The following EFHB variants were observed in gnomAD, a reference collection of about 807,000 sequenced individuals.
The protein encoded by EFHB is EF-hand domain family member B, also known as EF-hand domain-containing family member B.
In EFHB, 91 loss-of-function variants were observed where a neutral mutation model predicts 87.2. The observed-to-expected ratio is 1.04, with a 90% confidence interval of 0.88 to 1.24. The LOEUF is 1.24. EFHB is among the 50% of genes most tolerant of loss of function. EFHB has a pLI of 0.00. For missense variants in EFHB, 1,084 were observed against 998.8 expected, an observed-to-expected ratio of 1.09 and a Z score of -1.15; for synonymous variants, 325 against 333.6, an observed-to-expected ratio of 0.97 and a Z score of 0.28.
At chr3:19,909,816 G>A (rs2931392) in intron 5 of EFHB, among the ~76,000 whole-genome samples, 21,337 of 152,022 alleles carry the variant, frequency 0.14, 1,592 homozygotes, top group South Asian at 0.24. Flanking sequence ...TGCAGATGAC[G>A]TTTCTAGACA....
At position 19,899,496 on chromosome 3, in the gene EFHB, C is replaced by T. The variant is rs760989439; in HGVS notation, c.1438G>A (p.Val480Ile). ...TTGAAATCATCTGCTCTTTTGGATA[C>T]AAACTTAGCTCCTCTTTTCCTGCAA... ...ELQMKRGAKF[V>I]SKRADDFKEK... The change falls in exon 7 of 13, where the codon GTA becomes ATA. Residue 480 changes from valine (V) to isoleucine (I), a missense_variant. Coordinates refer to ENST00000295824, the MANE Select transcript of EFHB (RefSeq NM_144715.4). 1.2e-6 allele frequency: 2 copies of T among 1,603,406 alleles called. No homozygotes were observed. Among genetic ancestry groups the T allele is most frequent in the African/African-American group, 1.3e-5 (1 of 74,514 alleles).
At chr3:19,899,337 G>C in intron 7 of EFHB, 95 bp downstream of exon 7, 1 of 759,456 alleles carries the variant, frequency 1.3e-6, no homozygotes, top group Non-Finnish European at 2.0e-6. Context: ...TTATTTAATA[G>C]ATAGAATCTA....
At chr3:19,898,149 T>A (rs1694547676) in intron 8 of EFHB, among the ~76,000 whole-genome samples, 1 of 152,232 alleles carries the variant, frequency 6.6e-6, no homozygotes, top group Non-Finnish European at 1.5e-5. Context: ...TTAGATTGGC[T>A]AGAAATAAAG....
chr3:19,932,190 T>TA (rs1198273489), intron 1 of EFHB, among the ~76,000 whole-genome samples: 2 of 152,226 alleles, frequency 1.3e-5, no homozygotes, highest in Non-Finnish European at 2.9e-5. Flanking sequence ...CTATTCTTTC[T>TA]AACTCTACAT....
chr3:19,930,679 T>C (rs1695797228), intron 1 of EFHB, among the ~76,000 whole-genome samples: 2 of 152,232 alleles, frequency 1.3e-5, no homozygotes, highest in South Asian at 2.1e-4. Flanking sequence ...TGATCATAGC[T>C]CACTGGAACC....
intron 1 of EFHB, among the ~76,000 whole-genome samples, chr3:19,930,177 G>A (rs1695781752): frequency 6.6e-6 from 1 of 152,114 alleles, no homozygotes; most frequent in Non-Finnish European, 1.5e-5. Flanking sequence ...TAAGATTCTA[G>A]GCATTTTCAT....
At chr3:19,905,838 A>T (rs1216521262) in intron 5 of EFHB, 89 bp from the exon 6 acceptor site, 3 of 1,443,962 alleles carry the variant, frequency 2.1e-6, no homozygotes, top group Non-Finnish European at 2.8e-6. Context: ...TTGACATTGA[A>T]AATGAGAATG....
Position 19,882,564 on chromosome 3 carries a change from T to A in EFHB, c.2314A>T (p.Arg772Ter). ...ATATGCTATACCTCTTCTTTTGATCTGGTCTTGAAGAAGTCTCTTTCAAAC... is the reference window on the plus strand; with the variant it reads ...ATATGCTATACCTCTTCTTTTGATCAGGTCTTGAAGAAGTCTCTTTCAAAC... ...GVFERDFFKT[R>*]SKEEIAEILC... The change falls in exon 12 of 13, where the codon AGA becomes TGA. Residue 772 changes from arginine to a stop codon, truncating the protein, a stop_gained. Transcript: ENST00000295824. LOFTEE classifies it high-confidence loss of function. 6.2e-7 allele frequency: 1 copy of A among 1,602,972 alleles called. No individual in the cohort carries two copies. The highest frequency in any genetic ancestry group is 8.5e-7 in the Non-Finnish European group (1 of 1,173,418).
intron 5 of EFHB, among the ~76,000 whole-genome samples, chr3:19,906,499 G>A (rs1352518460): frequency 6.6e-6 from 1 of 152,066 alleles, no homozygotes; most frequent in Non-Finnish European, 1.5e-5. Context: ...ACTTAACCAA[G>A]GGGGTAAAAG....
intron 1 of EFHB, among the ~76,000 whole-genome samples, chr3:19,924,707 T>C (rs62279143): frequency 0.14 from 21,136 of 152,200 alleles, 1,743 homozygotes; most frequent in Non-Finnish European, 0.19. Flanking sequence ...TTTTTGCTCA[T>C]GAGGATGTTC....
chr3:19,902,253 T>G (rs1283854694), intron 6 of EFHB, among the ~76,000 whole-genome samples: 1 of 152,190 alleles, frequency 6.6e-6, no homozygotes, highest in African/African-American at 2.4e-5. Context: ...CATGCCTACA[T>G]CTGATGACTC....
chr3:19,905,556 A>G, intron 6 of EFHB, 64 bp downstream of exon 6: 3 of 1,531,146 alleles, frequency 2.0e-6, no homozygotes, highest in Non-Finnish European at 2.7e-6. Flanking sequence ...AAGTTTAAAA[A>G]TCAACTTTTC....
rs943852225 is a variant in EFHB at position 19,888,426 on chromosome 3, C to A, written c.1933+18G>T. The A allele has an allele frequency of 1.6e-6, 2 of 1,289,636 alleles. No homozygotes were observed. The highest frequency in any genetic ancestry group is 2.0e-6 in the Non-Finnish European group (2 of 984,784). The allele number at this position is 1,289,636 out of a possible 1,614,324, so 79.9% of individuals were successfully genotyped here. Reference sequence around the variant, plus strand: ...TTTAAAAAAATAATAATTCATCAAACCTTCAAAAATTAAATACCTTTAATA... The same window carrying A: ...TTTAAAAAAATAATAATTCATCAAAACTTCAAAAATTAAATACCTTTAATA... On this transcript the variant is annotated intron_variant, in intron 10 of 12. Transcript: ENST00000295824.
chr3:19,906,291 T>G lies in EFHB; in HGVS notation c.1289-542A>C, dbSNP rs553796802. On this transcript the variant is annotated intron_variant, in intron 5 of 12. Coordinates refer to ENST00000295824, the MANE Select transcript of EFHB (RefSeq NM_144715.4). ...TTGTGGTAAGCCAAGATCGTGCCACTGCACTCCAGCCTGGGCAACAGAGTG... is the reference window on the plus strand; with the variant it reads ...TTGTGGTAAGCCAAGATCGTGCCACGGCACTCCAGCCTGGGCAACAGAGTG... 4.6e-5 allele frequency among the ~76,000 whole-genome samples: 7 copies of G among 152,306 alleles called. No homozygotes were observed. In the South Asian group the frequency reaches 1.2e-3, roughly 27 times the overall value.
At position 19,898,825 on chromosome 3, in the gene EFHB, A is replaced by G. The variant is rs749093781; in HGVS notation, c.1523T>C (p.Val508Ala). Residue 508 changes from valine (V) to alanine (A), a missense_variant, in exon 8 of 13, where the codon GTT becomes GCT. Transcript: ENST00000295824. ...AGCTCCAAATGTGCAGTCTGGGGGA[A>G]CATTCATTGTTTCTGCAATGCTATC... Reference protein sequence around the residue: ...VLDPIAETMNVPPDCTFGACL... With the variant: ...VLDPIAETMNAPPDCTFGACL... 4 of 1,613,780 alleles carry G rather than the reference A, an allele frequency of 2.5e-6. No individual in the cohort carries two copies.
At chr3:19,883,249 C>A (rs1197334323) in intron 11 of EFHB, among the ~76,000 whole-genome samples, 4 of 152,314 alleles carry the variant, frequency 2.6e-5, no homozygotes, top group African/African-American at 9.6e-5. Context: ...GATCCTCCCA[C>A]CTTGGCCTCC....
At chr3:19,887,417 C>T (rs896539024) in intron 10 of EFHB, among the ~76,000 whole-genome samples, 3 of 147,114 alleles carry the variant, frequency 2.0e-5, no homozygotes, top group Non-Finnish European at 4.5e-5. Flanking sequence ...AAGAGAAATG[C>T]GAAAGTTAAA....
At chr3:19,889,727 C>T (rs1299316080) in intron 9 of EFHB, among the ~76,000 whole-genome samples, 2 of 152,136 alleles carry the variant, frequency 1.3e-5, no homozygotes, top group African/African-American at 4.8e-5. Context: ...AAAGCAGACT[C>T]CTTTATAAAA....
chr3:19,918,177 C>T, intron 4 of EFHB, 55 bp downstream of exon 4: 1 of 1,428,590 alleles, frequency 7.0e-7, no homozygotes, highest in Non-Finnish European at 9.4e-7. Flanking sequence ...ATCAAATTTT[C>T]CAAAGAGACT....
Sources: gnomAD v4.1 joint callset for allele counts (sites outside exome capture counted in the v4.1 genomes callset) on GRCh38, gnomAD v4.1.1 for gene constraint, MANE v1.5 for transcripts, NCBI Gene and HGNC (gene_info 2026-07-23, HGNC 2026-07-21) for gene names.